RRH: variants seen among roughly 807,000 people sequenced by gnomAD.
The protein encoded by RRH is visual pigment-like receptor peropsin.
RRH carries 36 observed loss-of-function variants against 33.1 expected under a neutral mutation model. The observed-to-expected ratio is 1.09, with a 90% CI of 0.83 to 1.44. The LOEUF (loss-of-function observed/expected upper bound fraction) is 1.44. RRH is among the 40% of genes most tolerant of loss of function. The pLI, the probability that RRH is intolerant of heterozygous loss-of-function variation, is 0.00. For missense variants in RRH, 393 were observed against 420.2 expected (o/e 0.94, Z 0.57); for synonymous variants, 124 against 140.2 (o/e 0.88, Z 0.82).
At chr4:109,833,361 A>G (rs781577571) in intron 2 of RRH, 32 bp downstream of exon 2, 1 of 1,504,900 alleles carries the variant, frequency 6.6e-7, no homozygotes, top group Non-Finnish European at 9.2e-7. Flanking sequence ...AAAGCAAAAT[A>G]AATAGATCAA....
intron 5 of RRH, 148 bp from the exon 6 acceptor site, chr4:109,842,321 C>A: frequency 1.4e-6 from 1 of 714,414 alleles, no homozygotes; most frequent in Non-Finnish European, 2.3e-6. Flanking sequence ...ACATTGAAGG[C>A]AGAAAAAAAA....
chr4:109,843,969 A>G, intron 6 of RRH, 114 bp from the exon 7 acceptor site: 1 of 726,858 alleles, frequency 1.4e-6, no homozygotes. Flanking sequence ...TTGGAGGCAG[A>G]AATTTATCCA....
chr4:109,834,508 G>GTT (rs1560584225), intron 2 of RRH, among the ~76,000 whole-genome samples: 1 of 72,272 alleles, frequency 1.4e-5, no homozygotes, highest in South Asian at 4.8e-4. Context: ...TTTTTTTTTT[G>GTT]TATTTTTTTT....
intron 1 of RRH, among the ~76,000 whole-genome samples, chr4:109,831,818 C>T (rs1389402064): frequency 1.3e-5 from 2 of 152,070 alleles, no homozygotes; most frequent in Non-Finnish European, 2.9e-5. Context: ...GGAAATACTA[C>T]AAGTTTTCGG....
In RRH at chr4:109,844,444, C is replaced by G. The variant is rs1372483152; in HGVS notation, c.*247C>G. On this transcript the variant is annotated 3_prime_UTR_variant, in exon 7 of 7. Transcript: ENST00000317735. ...ATTAGGCATCAGAGGTTAAGGTCCCCTTTCTTTCTCCCTATTATGGCATGC... is the reference window on the plus strand; with the variant it reads ...ATTAGGCATCAGAGGTTAAGGTCCCGTTTCTTTCTCCCTATTATGGCATGC... 5 of 402,452 alleles carry G rather than the reference C, an allele frequency of 1.2e-5. No individual in the cohort carries two copies. Among genetic ancestry groups the G allele is most frequent in the Admixed American group, 3.6e-5 (1 of 27,664 alleles). 24.9% of individuals were successfully genotyped at this position (402,452 alleles called of 1,614,324 possible).
At chr4:109,835,283 A>G (rs947884513) in intron 2 of RRH, 83 bp from the exon 3 acceptor site, 21 of 860,230 alleles carry the variant, frequency 2.4e-5, no homozygotes, top group Non-Finnish European at 3.8e-5. Flanking sequence ...TATATTTGAG[A>G]TATATTCTAA....
rs1734049825 is a variant in RRH, at chr4:109,844,750, G to T, written c.*553G>T. The T allele has an allele frequency of 6.6e-6, 1 of 152,450 alleles. No homozygotes were observed. Among genetic ancestry groups the T allele is most frequent in the African/African-American group, 2.4e-5 (1 of 41,366 alleles). 9.4% of individuals were successfully genotyped at this position (152,450 alleles called of 1,614,324 possible). ...TATATTATATAGCATTATGACCCCT[G>T]TGCATATTTTGATGTTTTCTGCAAT... On this transcript the variant is annotated 3_prime_UTR_variant, in exon 7 of 7. Coordinates refer to ENST00000317735, the MANE Select transcript of RRH (RefSeq NM_006583.5).
chr4:109,840,679 T>C (rs1028520667), intron 5 of RRH, among the ~76,000 whole-genome samples: 19 of 152,094 alleles, frequency 1.2e-4, no homozygotes, highest in African/African-American at 4.6e-4. Flanking sequence ...TGTGATATTA[T>C]GTATATATTT....
chr4:109,829,563 T>A (rs2125891785), intron 1 of RRH, among the ~76,000 whole-genome samples: 1 of 152,286 alleles, frequency 6.6e-6, no homozygotes, highest in Middle Eastern at 3.4e-3. Context: ...ACTAATGTTA[T>A]CATTTGAATA....
chr4:109,829,863 A>C (rs1053395429), intron 1 of RRH, among the ~76,000 whole-genome samples: 15 of 152,014 alleles, frequency 9.9e-5, no homozygotes, highest in African/African-American at 3.4e-4. Context: ...GCATAGCTGA[A>C]CTCTTTATGC....
At chr4:109,833,957 G>C (rs58489427) in intron 2 of RRH, among the ~76,000 whole-genome samples, 1 of 152,016 alleles carries the variant, frequency 6.6e-6, no homozygotes. Context: ...TTAATGTTTC[G>C]CAATCTGTGC....
intron 6 of RRH, among the ~76,000 whole-genome samples, chr4:109,843,372 G>A (rs544020387): frequency 1.8e-4 from 27 of 152,140 alleles, no homozygotes; most frequent in South Asian, 4.1e-4. Flanking sequence ...CACCACACCC[G>A]GCTAATTTTT....
chr4:109,828,660 T>C (rs1012192571), intron 1 of RRH, among the ~76,000 whole-genome samples: 2 of 152,098 alleles, frequency 1.3e-5, no homozygotes, highest in Non-Finnish European at 2.9e-5. Context: ...TATATTGTCA[T>C]TGAGGACAGA....
intron 2 of RRH, among the ~76,000 whole-genome samples, chr4:109,835,052 A>G (rs180757363): frequency 2.0e-5 from 3 of 152,210 alleles, no homozygotes; most frequent in African/African-American, 7.2e-5. Context: ...CTCCTGTTGA[A>G]TTACCCATCT....
In RRH at chr4:109,828,228, A is replaced by G. The variant is rs1032183354; in HGVS notation, c.106+95A>G. ...CATGCATTGTTTCAAGTTCCATATT[A>G]TTGGCCAACCTTGACAAGTCATTTA... On this transcript the variant is annotated intron_variant, in intron 1 of 6. Transcript: ENST00000317735. The G allele has an allele frequency of 1.5e-5, 12 of 821,286 alleles. No individual in the cohort carries two copies. In the African/African-American group the frequency reaches 2.0e-4, roughly 14 times the overall value. The allele number at this position is 821,286 out of a possible 1,614,324, so 50.9% of individuals were successfully genotyped here.
At chr4:109,841,431 T>C (rs73838891) in intron 5 of RRH, among the ~76,000 whole-genome samples, 4,832 of 152,064 alleles carry the variant, frequency 0.032, 229 homozygotes, top group African/African-American at 0.1. Context: ...CTTTTTTCTT[T>C]ATACTGAGCC....
Position 109,842,484 on chromosome 4 carries a change from A to G in RRH, c.736A>G (p.Ile246Val), listed in dbSNP as rs1456035216. ...TTCTTTTCAGATGTCTGTGATCATG[A>G]TCTGCATGTTTCTGGTGGCATGGTC... ...IDVTKMSVIMICMFLVAWSPY... is the reference protein window; with the variant it reads ...IDVTKMSVIMVCMFLVAWSPY... Residue 246 changes from isoleucine to valine, a missense_variant, in exon 6 of 7, where the codon ATC becomes GTC. Ile to Val is a conservative substitution (Grantham distance 29, BLOSUM62 3). Transcript: ENST00000317735. 4 of 1,613,854 alleles carry G rather than the reference A, an allele frequency of 2.5e-6. No individual in the cohort carries two copies. The highest frequency in any genetic ancestry group is 3.3e-5 in the Admixed American group (2 of 59,986).
intron 4 of RRH, among the ~76,000 whole-genome samples, chr4:109,836,434 A>T (rs1733886114): frequency 6.6e-6 from 1 of 152,282 alleles, no homozygotes; most frequent in East Asian, 1.9e-4. Flanking sequence ...GCAGGGTACC[A>T]ATCACCCTTC....
chr4:109,844,489 C>A lies in RRH; in HGVS notation c.*292C>A. 4.9e-6 allele frequency: 1 copy of A among 203,540 alleles called. No individual in the cohort carries two copies. Among genetic ancestry groups the A allele is most frequent in the Non-Finnish European group, 1.0e-5 (1 of 99,666 alleles). 12.6% of individuals were successfully genotyped at this position (203,540 alleles called of 1,614,324 possible). A position where few individuals can be genotyped will look rare whatever the true frequency, so the allele number is the denominator to read the frequency against. On this transcript the variant is annotated 3_prime_UTR_variant, in exon 7 of 7. Coordinates refer to ENST00000317735, the MANE Select transcript of RRH (RefSeq NM_006583.5). ...GCATGCATTACACTGTACTGATGAC[C>A]TTTAACTTGCCTGGCTCCTCCATTA...
Sources: gnomAD v4.1 joint callset for allele counts (sites outside exome capture counted in the v4.1 genomes callset) on GRCh38, gnomAD v4.1.1 for gene constraint, MANE v1.5 for transcripts, NCBI Gene and HGNC (gene_info 2026-07-23, HGNC 2026-07-21) for gene names.